EMC8: variants seen among roughly 807,000 people sequenced by gnomAD.
EMC8 encodes COX4 neighbor.
In EMC8, 11 loss-of-function variants were observed where a neutral mutation model predicts 24.3. The observed-to-expected ratio is 0.45, with a 90% CI of 0.28 to 0.75. EMC8 has a LOEUF of 0.75. Ranked by LOEUF, EMC8 falls within the 30% of genes least tolerant of loss-of-function variation. The pLI is 0.12. For missense variants in EMC8, 277 were observed against 282.7 expected (o/e 0.98, Z 0.14); for synonymous variants, 145 against 117.7 (o/e 1.23, Z -1.50).
At chr16:85,788,017 T>A (rs975052017) in intron 2 of EMC8, among the ~76,000 whole-genome samples, 2 of 152,076 alleles carry the variant, frequency 1.3e-5, no homozygotes, top group Non-Finnish European at 2.9e-5. Flanking sequence ...TGCACCCCCA[T>A]CTCCCTGGAC....
At chr16:85,785,035 C>T (rs934317850) in intron 2 of EMC8, 1 of 152,274 alleles carries the variant, frequency 6.6e-6, no homozygotes. Context: ...GCAGCCCCAA[C>T]TGCCCAGGCT....
At position 85,799,362 on chromosome 16, in the gene EMC8, C is replaced by T; in HGVS notation, c.-67G>A. The T allele has an allele frequency of 9.7e-7, 1 of 1,026,896 alleles. No homozygotes were observed. Among genetic ancestry groups the T allele is most frequent in the Admixed American group, 3.7e-5 (1 of 26,784 alleles). 63.6% of individuals were successfully genotyped at this position (1,026,896 alleles called of 1,614,324 possible). On this transcript the variant is annotated 5_prime_UTR_variant, in exon 1 of 5. Transcript: ENST00000253457. The surrounding 1 kb of genome is among the most constrained non-coding windows in gnomAD (Gnocchi z 4.2). ...GAGGCCTGGACCCGCTGCCTGGCCG[C>T]GCGGCGCCTCAGCCGAGAAGCGGGA...
At chr16:85,780,170 C>T in intron 4 of EMC8, 2 of 604,768 alleles carry the variant, frequency 3.3e-6, no homozygotes, top group East Asian at 2.8e-5. Flanking sequence ...GCTCTAGCGC[C>T]TGGGGTGGGA....
intron 2 of EMC8, chr16:85,784,334 T>C (rs1904651230): frequency 6.6e-6 from 1 of 152,178 alleles, no homozygotes; most frequent in Non-Finnish European, 1.5e-5. Flanking sequence ...ATACATGCAT[T>C]ATTGTGAGTT....
intron 2 of EMC8, among the ~76,000 whole-genome samples, chr16:85,783,097 G>C (rs1251730047): frequency 6.6e-6 from 1 of 152,210 alleles, no homozygotes; most frequent in Non-Finnish European, 1.5e-5. Flanking sequence ...GAGGTCAGGA[G>C]TTCGAGACCA....
At chr16:85,790,687 C>T (rs1469015479) in intron 1 of EMC8, among the ~76,000 whole-genome samples, 1 of 152,130 alleles carries the variant, frequency 6.6e-6, no homozygotes, top group Non-Finnish European at 1.5e-5. Context: ...TGTGTCCTCC[C>T]CTAAGGTGAC....
intron 1 of EMC8, among the ~76,000 whole-genome samples, chr16:85,791,598 G>A (rs963569674): frequency 1.3e-5 from 2 of 152,194 alleles, no homozygotes; most frequent in African/African-American, 4.8e-5. Flanking sequence ...GTTTGCTGAG[G>A]ATGATGCCAG....
chr16:85,793,052 G>A (rs1036191437), intron 1 of EMC8: 4 of 152,224 alleles, frequency 2.6e-5, no homozygotes, highest in African/African-American at 9.7e-5. Context: ...CACCTTGGCA[G>A]GAGTCTACCA....
At chr16:85,792,614 G>C (rs1352491473) in intron 1 of EMC8, 2 of 152,520 alleles carry the variant, frequency 1.3e-5, no homozygotes, top group East Asian at 3.9e-4. Context: ...CCCTGGAGTG[G>C]AGTGGGCTGG....
intron 1 of EMC8, chr16:85,792,559 T>C (rs1205157363): frequency 6.6e-6 from 1 of 152,230 alleles, no homozygotes; most frequent in African/African-American, 2.4e-5. Context: ...AAGGGTAGTT[T>C]CCTGTGACAG....
At position 85,779,940 on chromosome 16, in the gene EMC8, G is replaced by A. The variant is rs1219820324; in HGVS notation, c.474-73C>T. 1.2e-5 allele frequency: 16 copies of A among 1,308,696 alleles called. No homozygotes were observed. The Admixed American group carries it at 2.1e-4, about 17-fold the overall frequency. The allele number at this position is 1,308,696 out of a possible 1,614,324, so 81.1% of individuals were successfully genotyped here. A position where few individuals can be genotyped will look rare whatever the true frequency, so the allele number is the denominator to read the frequency against. The stretch of plus-strand genomic sequence containing the variant: ...GGCTTGTAACAGCATCAAGAGAGAA[G>A]GCCAGCCACATGCACAGTGGTATGA... On this transcript the variant is annotated intron_variant, in intron 4 of 4. Transcript: ENST00000253457.
intron 2 of EMC8, chr16:85,784,733 GC>G (rs1266023751): frequency 1.3e-5 from 2 of 152,156 alleles, no homozygotes; most frequent in African/African-American, 4.8e-5. Flanking sequence ...CAGGAGGCCT[GC>G]CCATGTACCC....
At chr16:85,786,433 C>T (rs968106259) in intron 2 of EMC8, among the ~76,000 whole-genome samples, 10 of 152,176 alleles carry the variant, frequency 6.6e-5, no homozygotes, top group African/African-American at 2.2e-4. Context: ...CTCTGAGAAG[C>T]CACCTTCTCC....
At chr16:85,793,998 ATGT>A (rs897339226) in intron 1 of EMC8, among the ~76,000 whole-genome samples, 10 of 152,218 alleles carry the variant, frequency 6.6e-5, no homozygotes, top group African/African-American at 9.6e-5. Flanking sequence ...AAGGAATCTA[ATGT>A]TGTCCTTTGA....
chr16:85,787,213 G>A (rs140171158), intron 2 of EMC8, among the ~76,000 whole-genome samples: 49 of 152,296 alleles, frequency 3.2e-4, no homozygotes, highest in African/African-American at 1.1e-3. Flanking sequence ...GTCCTCACCT[G>A]TGTCTGCTGT....
chr16:85,787,318 C>T (rs1178297920), intron 2 of EMC8, among the ~76,000 whole-genome samples: 1 of 152,102 alleles, frequency 6.6e-6, no homozygotes, highest in African/African-American at 2.4e-5. Flanking sequence ...GACACCATGC[C>T]CTGGACTTCT....
At position 85,799,376 on chromosome 16, in the gene EMC8, C is replaced by G. The variant is rs563376246; in HGVS notation, c.-81G>C. Reference sequence around the variant, plus strand: ...CTGCCTGGCCGCGCGGCGCCTCAGCCGAGAAGCGGGACGAGGCGGCGGCGA... The same window carrying G: ...CTGCCTGGCCGCGCGGCGCCTCAGCGGAGAAGCGGGACGAGGCGGCGGCGA... On this transcript the variant is annotated 5_prime_UTR_variant, in exon 1 of 5. Transcript: ENST00000253457. This position sits in a 1 kb window ranked among gnomAD's most constrained non-coding sequence, Gnocchi z 4.2. 28 of 897,978 alleles carry G rather than the reference C, an allele frequency of 3.1e-5. No homozygotes were observed. The East Asian group carries it at 7.5e-4, about 24-fold the overall frequency. The allele number at this position is 897,978 out of a possible 1,614,324, so 55.6% of individuals were successfully genotyped here.
At chr16:85,782,360 TAA>T (rs1235620455) in intron 2 of EMC8, among the ~76,000 whole-genome samples, 1 of 152,186 alleles carries the variant, frequency 6.6e-6, no homozygotes, top group East Asian at 1.9e-4. Flanking sequence ...CTTTCTACCT[TAA>T]GTTAATAGAG....
intron 1 of EMC8, among the ~76,000 whole-genome samples, chr16:85,791,970 GACCAT>G (rs1264713610): frequency 3.3e-5 from 5 of 152,162 alleles, no homozygotes; most frequent in African/African-American, 9.7e-5. Flanking sequence ...TTACTCAGCT[GACCAT>G]ACCATACAAC....
Sources: allele counts gnomAD v4.1 joint callset (sites outside exome capture counted in the v4.1 genomes callset), GRCh38; gene constraint gnomAD v4.1.1; non-coding constraint Gnocchi (gnomAD v3.1); transcripts MANE v1.5; gene names NCBI Gene and HGNC (gene_info 2026-07-23, HGNC 2026-07-21).